SRPK2: variants seen among roughly 807,000 people sequenced by gnomAD.
SRPK2 encodes the protein SFRS protein kinase 2.
In SRPK2, 21 loss-of-function variants were observed where a neutral mutation model predicts 90.8. That is an observed-to-expected ratio of 0.23 (90% CI 0.16 to 0.33). The LOEUF is 0.33. Among genes scored for constraint, SRPK2 ranks in the 10% least tolerant of loss-of-function variants. SRPK2 has a pLI of 1.00. For synonymous variants in SRPK2, 288 were observed against 311.1 expected, an observed-to-expected ratio of 0.93 and a Z score of 0.78; for missense variants, 620 against 869.0, an observed-to-expected ratio of 0.71 and a Z score of 3.60.
rs897880761 is a variant in SRPK2, at chr7:105,117,013, G to A, written c.*825C>T. On this transcript the variant is annotated 3_prime_UTR_variant, in exon 16 of 16. Coordinates refer to ENST00000393651, the MANE Select transcript of SRPK2 (RefSeq NM_182692.3). ...AGGAGGCAACATGACATGGTACTGAGCCATCACATTTTTAAAGGGAAATTG... is the reference window on the plus strand; with the variant it reads ...AGGAGGCAACATGACATGGTACTGAACCATCACATTTTTAAAGGGAAATTG... 2 of 152,176 alleles carry A rather than the reference G, an allele frequency of 1.3e-5. No homozygotes were observed. The highest frequency in any genetic ancestry group is 4.8e-5 in the African/African-American group (2 of 41,436). The allele number at this position is 152,176 out of a possible 1,614,324, so 9.4% of individuals were successfully genotyped here. A position where few individuals can be genotyped will look rare whatever the true frequency, so the allele number is the denominator to read the frequency against.
chr7:105,367,971 T>A (rs1301635863), intron 2 of SRPK2, among the ~76,000 whole-genome samples: 1 of 152,194 alleles, frequency 6.6e-6, no homozygotes, highest in African/African-American at 2.4e-5. Flanking sequence ...CCAAACTGTA[T>A]ACGCTTTTCA....
intron 2 of SRPK2, among the ~76,000 whole-genome samples, chr7:105,323,449 G>A (rs949169815): frequency 6.6e-6 from 1 of 152,100 alleles, no homozygotes; most frequent in Admixed American, 6.5e-5. Context: ...CAACTACAAA[G>A]GAGAACCACA....
intron 9 of SRPK2, among the ~76,000 whole-genome samples, chr7:105,144,436 T>G (rs1041012827): frequency 6.6e-6 from 1 of 151,798 alleles, no homozygotes; most frequent in Non-Finnish European, 1.5e-5. Flanking sequence ...AGACAGGATT[T>G]CACCATGTTG....
intron 2 of SRPK2, among the ~76,000 whole-genome samples, chr7:105,280,655 AAGG>A (rs1347176979): frequency 2.8e-4 from 37 of 132,258 alleles, no homozygotes; most frequent in Admixed American, 2.1e-3. Flanking sequence ...CATTAAAAAA[AAGG>A]GGGGGGGGGC....
intron 2 of SRPK2, among the ~76,000 whole-genome samples, chr7:105,384,540 C>T (rs1197953810): frequency 2.0e-5 from 3 of 152,064 alleles, no homozygotes; most frequent in African/African-American, 7.2e-5. Context: ...CCAAGCCAGA[C>T]CCACAGTCAC....
chr7:105,245,371 T>TAAGAAGGG (rs1432378713), intron 2 of SRPK2, among the ~76,000 whole-genome samples: 2 of 152,004 alleles, frequency 1.3e-5, no homozygotes, highest in African/African-American at 2.4e-5. Context: ...ATTATGAAGA[T>TAAGAAGGG]AAGAAGGGTA....
chr7:105,315,485 G>C (rs1812208050), intron 2 of SRPK2, among the ~76,000 whole-genome samples: 1 of 152,206 alleles, frequency 6.6e-6, no homozygotes, highest in Non-Finnish European at 1.5e-5. Flanking sequence ...CTGGCACAGA[G>C]TGAACACTAA....
chr7:105,380,537 T>C (rs973509237), intron 2 of SRPK2, among the ~76,000 whole-genome samples: 6 of 149,866 alleles, frequency 4.0e-5, no homozygotes, highest in African/African-American at 1.5e-4. Context: ...TTTTTTTTTT[T>C]TTTTGAGATG....
chr7:105,202,551 C>G (rs1732740606), intron 3 of SRPK2, among the ~76,000 whole-genome samples: 1 of 152,184 alleles, frequency 6.6e-6, no homozygotes, highest in African/African-American at 2.4e-5. Flanking sequence ...TGGGTCCACA[C>G]AAAGCATGGT....
rs1410695725 is a variant in SRPK2, at chr7:105,119,580, C to G, written c.1916-1558G>C. On this transcript the variant is annotated intron_variant, in intron 15 of 15. Transcript: ENST00000393651. ...TCTGTTTCCAATATGAGGACTGGAG[C>G]TAGAGTAAAGCATCGCATCCAGACT... Among the ~76,000 whole-genome samples the G allele has an allele frequency of 2.0e-5, 3 of 152,104 alleles. No homozygotes were observed. In the East Asian group the frequency reaches 5.8e-4, roughly 29 times the overall value.
At chr7:105,199,866 G>T (rs1795330394) in intron 3 of SRPK2, among the ~76,000 whole-genome samples, 1 of 148,936 alleles carries the variant, frequency 6.7e-6, no homozygotes, top group Admixed American at 6.7e-5. Context: ...TAATGCCCAG[G>T]TCTAGCTTTC....
rs190929705 is a variant in SRPK2, at chr7:105,236,757, G to C, written c.72-32972C>G. Among the ~76,000 whole-genome samples the C allele has an allele frequency of 1.7e-3, 255 of 152,224 alleles. 1 individual carries two copies. Among genetic ancestry groups the C allele is most frequent in the African/African-American group, 5.6e-3 (231 of 41,520 alleles). On this transcript the variant is annotated intron_variant, in intron 2 of 15. Coordinates refer to ENST00000393651, the MANE Select transcript of SRPK2 (RefSeq NM_182692.3). ...TACCCTAACCAACAACAGGAGCAAA[G>C]AGAAGAGTCCATGGGTACCAGGTGT...
chr7:105,292,745 T>A (rs1809227527), intron 2 of SRPK2, among the ~76,000 whole-genome samples: 1 of 152,214 alleles, frequency 6.6e-6, no homozygotes, highest in African/African-American at 2.4e-5. Context: ...ATTGGCTGAT[T>A]TGATCCTGTT....
chr7:105,191,337 A>C (rs889037135), intron 3 of SRPK2, among the ~76,000 whole-genome samples: 14 of 152,116 alleles, frequency 9.2e-5, no homozygotes, highest in Non-Finnish European at 1.9e-4. Flanking sequence ...GGGAGGCAGA[A>C]ACAGGAGGAG....
intron 2 of SRPK2, chr7:105,244,517 T>C: frequency 2.1e-6 from 1 of 471,220 alleles, no homozygotes; most frequent in Non-Finnish European, 3.9e-6. Flanking sequence ...GAGCTTGCAG[T>C]GAGCTAAGAT....
chr7:105,118,292 G>A (rs887153858), intron 15 of SRPK2, among the ~76,000 whole-genome samples: 7 of 152,184 alleles, frequency 4.6e-5, no homozygotes, highest in African/African-American at 1.2e-4. Context: ...TAAGTGGAGT[G>A]GGCTCAGTTT....
At chr7:105,340,599 T>A (rs1815654425) in intron 2 of SRPK2, among the ~76,000 whole-genome samples, 1 of 151,964 alleles carries the variant, frequency 6.6e-6, no homozygotes, top group South Asian at 2.1e-4. Context: ...TTTTGTTTTT[T>A]GGTTTTGAGG....
chr7:105,337,317 ATTTTTTTTT>A (rs773258549), intron 2 of SRPK2, among the ~76,000 whole-genome samples: 1 of 136,564 alleles, frequency 7.3e-6, no homozygotes, highest in African/African-American at 2.7e-5. Flanking sequence ...TCATGAAGGG[ATTTTTTTTT>A]TTTTTTGAGA....
At chr7:105,334,156 AC>A (rs1225191450) in intron 2 of SRPK2, among the ~76,000 whole-genome samples, 15 of 152,158 alleles carry the variant, frequency 9.9e-5, no homozygotes, top group Non-Finnish European at 2.9e-5. Context: ...ATCTCGGCTC[AC>A]CATAACCTCC....
Sources: allele counts gnomAD v4.1 joint callset (sites outside exome capture counted in the v4.1 genomes callset), GRCh38; gene constraint gnomAD v4.1.1; transcripts MANE v1.5; gene names NCBI Gene and HGNC (gene_info 2026-07-23, HGNC 2026-07-21).